The following ZFHX3 variants were observed in gnomAD, a reference collection of about 807,000 sequenced individuals.
ZFHX3 encodes zinc finger homeobox 3.
Under a neutral mutation model 279.1 loss-of-function variants are expected in ZFHX3, and 42 were observed. The ratio of observed to expected loss-of-function variants is 0.15; its 90% CI spans 0.12 to 0.19. The LOEUF is 0.19. Among genes scored for constraint, ZFHX3 ranks in the 10% least tolerant of loss-of-function variants. ZFHX3 has a pLI of 1.00. For synonymous variants in ZFHX3, 2,293 were observed against 1,957.8 expected (o/e 1.17, Z -4.52); for missense variants, 4,981 against 4,754.0 (o/e 1.05, Z -1.40).
chr16:72,854,445 C>G (rs1355888931), intron 4 of ZFHX3, among the ~76,000 whole-genome samples: 3 of 152,090 alleles, frequency 2.0e-5, no homozygotes, highest in Admixed American at 2.0e-4. Flanking sequence ...AGAGGGAAGG[C>G]TTAAAGAATG....
intron 2 of ZFHX3, among the ~76,000 whole-genome samples, chr16:73,495,872 A>T (rs1022880417): frequency 6.6e-6 from 1 of 152,212 alleles, no homozygotes; most frequent in Non-Finnish European, 1.5e-5. Context: ...TGCAGGTCAC[A>T]TGAATTTTTA....
chr16:73,312,406 T>C (rs2143169424), intron 4 of ZFHX3, among the ~76,000 whole-genome samples: 1 of 152,282 alleles, frequency 6.6e-6, no homozygotes, highest in Non-Finnish European at 1.5e-5. Flanking sequence ...AAAAAAACTC[T>C]TCTAAATCTT....
chr16:73,823,681 C>T (rs1414403896), intron 1 of ZFHX3, among the ~76,000 whole-genome samples: 4 of 152,156 alleles, frequency 2.6e-5, no homozygotes, highest in Non-Finnish European at 2.9e-5. Context: ...AGAGTTGCTA[C>T]GGAGACCATC....
chr16:73,507,766 G>T (rs1224123897), intron 2 of ZFHX3, among the ~76,000 whole-genome samples: 1 of 152,064 alleles, frequency 6.6e-6, no homozygotes, highest in Non-Finnish European at 1.5e-5. Flanking sequence ...CTCCCAAAGT[G>T]CTGGGATTAC....
At chr16:72,966,082 T>A (rs1961822239) in intron 1 of ZFHX3, among the ~76,000 whole-genome samples, 1 of 152,202 alleles carries the variant, frequency 6.6e-6, no homozygotes, top group South Asian at 2.1e-4. Context: ...GCCATTATTT[T>A]AAGCGTCAAC....
At chr16:73,298,203 C>A (rs1254505450) in intron 4 of ZFHX3, among the ~76,000 whole-genome samples, 1 of 150,454 alleles carries the variant, frequency 6.6e-6, no homozygotes, top group Non-Finnish European at 1.5e-5. Flanking sequence ...ACAACAACAA[C>A]AACAAAAATC....
intron 1 of ZFHX3, among the ~76,000 whole-genome samples, chr16:73,704,935 AG>A (rs1374269694): frequency 1.3e-5 from 2 of 152,202 alleles, no homozygotes; most frequent in African/African-American, 4.8e-5. Flanking sequence ...TAGGAGGTCA[AG>A]GGAGCCCTGA....
chr16:72,958,596 C>T lies in ZFHX3; in HGVS notation c.1550G>A (p.Ser517Asn). 1.2e-6 allele frequency: 2 copies of T among 1,614,164 alleles called. No individual in the cohort carries two copies. Among genetic ancestry groups the T allele is most frequent in the South Asian group, 1.1e-5 (1 of 91,082 alleles). ...PHEEPGAAAG[S>N]SSKKDLALSN... is the part of the protein sequence containing the mutation. ...GAGAGCAAGGTCCTTTTTGCTGCTA[C>T]TACCTGCTGCGGCCCCAGGCTCCTC... Residue 517 changes from serine to asparagine, a missense_variant, in exon 2 of 10, where the codon AGT becomes AAT. Ser to Asn is a conservative substitution (Grantham distance 46). This residue lies in a region of ZFHX3 where 1,068 missense variants were observed against 935.2 expected (regional missense o/e 1.14). Coordinates refer to ENST00000268489, the MANE Select transcript of ZFHX3 (RefSeq NM_006885.4).
chr16:73,820,265 G>A (rs1316645565), intron 1 of ZFHX3, among the ~76,000 whole-genome samples: 1 of 151,990 alleles, frequency 6.6e-6, no homozygotes, highest in Non-Finnish European at 1.5e-5. Context: ...AATTTTTTAT[G>A]TTTTTTAGTA....
chr16:73,661,303 G>A (rs1489390420), intron 2 of ZFHX3, among the ~76,000 whole-genome samples: 2 of 152,150 alleles, frequency 1.3e-5, no homozygotes, highest in Admixed American at 1.3e-4. Context: ...ACAAAAAACA[G>A]AAAGAAAATA....
chr16:73,693,605 C>T (rs1323471469), intron 1 of ZFHX3, among the ~76,000 whole-genome samples: 4 of 152,070 alleles, frequency 2.6e-5, no homozygotes, highest in Admixed American at 2.6e-4. Context: ...ATAAAGGCCA[C>T]GGGAACGAGA....
At chr16:72,941,654 AT>A (rs112979985) in intron 3 of ZFHX3, among the ~76,000 whole-genome samples, 18,318 of 150,938 alleles carry the variant, frequency 0.12, 1,713 homozygotes, top group African/African-American at 0.25. Context: ...CCCTGTTTCT[AT>A]TTTTTTTTAA....
At chr16:73,814,820 G>A (rs752383631) in intron 1 of ZFHX3, among the ~76,000 whole-genome samples, 10 of 152,100 alleles carry the variant, frequency 6.6e-5, no homozygotes, top group African/African-American at 1.4e-4. Context: ...TGCCCACCTC[G>A]GCCTCCCAAA....
chr16:73,832,662 C>G (rs529399164), intron 1 of ZFHX3, among the ~76,000 whole-genome samples: 1 of 152,326 alleles, frequency 6.6e-6, no homozygotes, highest in South Asian at 2.1e-4. Context: ...ATCCTCCCCC[C>G]TCAGCCTCCC....
chr16:73,523,829 T>A (rs1195426945), intron 2 of ZFHX3, among the ~76,000 whole-genome samples: 1 of 152,074 alleles, frequency 6.6e-6, no homozygotes, highest in Admixed American at 6.6e-5. Flanking sequence ...AATTCAGACA[T>A]CCACCATTGA....
intron 3 of ZFHX3, among the ~76,000 whole-genome samples, chr16:72,939,531 G>A (rs919056801): frequency 5.3e-5 from 8 of 152,306 alleles, no homozygotes; most frequent in Admixed American, 2.0e-4. Context: ...TCGCTCCCAA[G>A]GGCAAAAGGG....
At chr16:73,511,523 G>C (rs1413343017) in intron 2 of ZFHX3, among the ~76,000 whole-genome samples, 1 of 152,180 alleles carries the variant, frequency 6.6e-6, no homozygotes, top group Non-Finnish European at 1.5e-5. Flanking sequence ...CACAGCCTTA[G>C]GAAACGGTCA....
At chr16:73,501,895 C>T (rs1387015841) in intron 2 of ZFHX3, among the ~76,000 whole-genome samples, 1 of 152,146 alleles carries the variant, frequency 6.6e-6, no homozygotes, top group Non-Finnish European at 1.5e-5. Context: ...CAGTAGCCTC[C>T]TTACCTCTCT....
At chr16:73,310,060 C>A (rs550255289) in intron 4 of ZFHX3, among the ~76,000 whole-genome samples, 14 of 151,992 alleles carry the variant, frequency 9.2e-5, no homozygotes, top group Non-Finnish European at 1.9e-4. Context: ...AGGTGCCCAC[C>A]ACCACGCCTG....
Sources: gnomAD v4.1 joint callset for allele counts (sites outside exome capture counted in the v4.1 genomes callset) on GRCh38, gnomAD v4.1.1 for gene constraint, gnomAD v4.1.1 regional missense constraint, MANE v1.5 for transcripts, NCBI Gene and HGNC (gene_info 2026-07-23, HGNC 2026-07-21) for gene names.